Variants in ASPRV1 observed in about 807,000 individuals in gnomAD.
ASPRV1 encodes aspartic peptidase retroviral like 1, also known as retroviral-like aspartic protease 1.
In ASPRV1, 7 loss-of-function variants were observed where a neutral mutation model predicts 11.0. The observed-to-expected ratio is 0.64, with a 90% CI of 0.36 to 1.20. ASPRV1 has a LOEUF of 1.20. ASPRV1 is among the 50% of genes most tolerant of loss of function. The probability of loss-of-function intolerance (pLI) is 0.02; values close to 1 mark genes in which losing one functional copy is unlikely to be tolerated. For missense variants in ASPRV1, 299 were observed against 320.0 expected, an observed-to-expected ratio of 0.93 and a Z score of 0.50; for synonymous variants, 136 against 138.4, an observed-to-expected ratio of 0.98 and a Z score of 0.12.
chr2:70,078,457 G>A, the ASPRV1 span, among the ~76,000 whole-genome samples: 12 of 152,356 alleles, frequency 7.9e-5, no homozygotes, highest in Non-Finnish European at 1.6e-4. Context: ...GCAGAAGGCA[G>A]AGAGATAGCT....
the ASPRV1 span, among the ~76,000 whole-genome samples, chr2:69,950,428 C>G: frequency 6.6e-6 from 1 of 152,196 alleles, no homozygotes; most frequent in African/African-American, 2.4e-5. Flanking sequence ...TGTTTTGTGT[C>G]TGACTTCTTT....
the ASPRV1 span, among the ~76,000 whole-genome samples, chr2:70,080,310 TC>T: frequency 6.6e-6 from 1 of 151,808 alleles, no homozygotes; most frequent in Non-Finnish European, 1.5e-5. Flanking sequence ...CACTGCAACC[TC>T]CGCCTCCCAG....
the ASPRV1 span, among the ~76,000 whole-genome samples, chr2:70,017,838 T>C: frequency 2.6e-5 from 4 of 152,172 alleles, no homozygotes; most frequent in Non-Finnish European, 5.9e-5. Flanking sequence ...ACAATAGCTA[T>C]TTAAAAATAC....
At chr2:70,051,117 C>T in the ASPRV1 span, 10 of 152,176 alleles carry the variant, frequency 6.6e-5, no homozygotes, top group African/African-American at 2.4e-4. Context: ...GGATTTATTC[C>T]TCACAATAAC....
the ASPRV1 span, among the ~76,000 whole-genome samples, chr2:69,986,438 T>C: frequency 1.2e-4 from 18 of 152,218 alleles, no homozygotes; most frequent in Non-Finnish European, 2.4e-4. Flanking sequence ...GGCTGCCCTC[T>C]GGGGTAGGTC....
downstream of ASPRV1, among the ~76,000 whole-genome samples, chr2:69,956,751 G>A (rs1677950652): frequency 6.6e-6 from 1 of 152,100 alleles, no homozygotes; most frequent in Non-Finnish European, 1.5e-5. Flanking sequence ...TAAAAACCTG[G>A]CAAACAGCAT....
chr2:69,961,804 A>G, upstream of ASPRV1: 2 of 1,187,036 alleles, frequency 1.7e-6, no homozygotes, highest in South Asian at 3.1e-5. Flanking sequence ...AACACCAGCC[A>G]GCCCACATCC....
chr2:70,038,100 T>C, the ASPRV1 span, among the ~76,000 whole-genome samples: 2 of 152,206 alleles, frequency 1.3e-5, no homozygotes, highest in African/African-American at 2.4e-5. Flanking sequence ...ACCTAGAATA[T>C]CCTCCTATTT....
rs375031484 is a variant in ASPRV1, at chr2:69,961,371, A to G, written c.66T>C (p.Phe22=). 1.9e-6 allele frequency: 3 copies of G among 1,614,036 alleles called. No individual in the cohort carries two copies. The African/African-American group carries it at 4.0e-5, about 22-fold the overall frequency. Reference sequence around the variant, plus strand: ...GGTTTGGGACGACATTGGCCCCATCAAAAGGTTCCGGGACGAAGGCATGCT... The same window carrying G: ...GGTTTGGGACGACATTGGCCCCATCGAAAGGTTCCGGGACGAAGGCATGCT... The part of the protein sequence containing the change: ...RRQHAFVPEP[F]DGANVVPNLW... Residue 22 remains phenylalanine (F), a synonymous_variant, in exon 1 of 1, where the codon TTT becomes TTC. Transcript: ENST00000320256.
In ASPRV1 at chr2:69,961,082, C is replaced by T; in HGVS notation, c.355G>A (p.Gly119Ser). Residue 119 changes from glycine (G) to serine (S), a missense_variant, in exon 1 of 1, where the codon GGC (glycine) becomes AGC (serine). Transcript: ENST00000320256. Reference protein sequence around the residue: ...GKGYYLKGKIGKVPVRFLVDS... With the variant: ...GKGYYLKGKISKVPVRFLVDS... Reference sequence around the variant, plus strand: ...ACCAGGAACCTCACGGGCACTTTGCCAATCTTCCCCTTGAGATAGTAGCCC... The same window carrying T: ...ACCAGGAACCTCACGGGCACTTTGCTAATCTTCCCCTTGAGATAGTAGCCC... 1 of 1,613,902 alleles carries T rather than the reference C, an allele frequency of 6.2e-7. No individual in the cohort carries two copies. The highest frequency in any genetic ancestry group is 1.1e-5 in the South Asian group (1 of 91,074).
the ASPRV1 span, among the ~76,000 whole-genome samples, chr2:69,933,931 G>T: frequency 1.3e-5 from 2 of 152,254 alleles, no homozygotes; most frequent in African/African-American, 2.4e-5. Context: ...TAGGTTGTGT[G>T]TGGGCAATGA....
the ASPRV1 span, among the ~76,000 whole-genome samples, chr2:70,075,427 C>T: frequency 6.8e-6 from 1 of 147,994 alleles, no homozygotes; most frequent in Admixed American, 6.7e-5. Flanking sequence ...TACTTATTAA[C>T]TGTGCAACTT....
At chr2:70,039,764 G>A in the ASPRV1 span, among the ~76,000 whole-genome samples, 38 of 152,240 alleles carry the variant, frequency 2.5e-4, no homozygotes, top group South Asian at 6.6e-3. Context: ...TCCTCTCCAC[G>A]ACTTCCATTT....
chr2:70,001,675 G>A, the ASPRV1 span, among the ~76,000 whole-genome samples: 6 of 152,166 alleles, frequency 3.9e-5, no homozygotes, highest in South Asian at 2.1e-4. Flanking sequence ...CAGGAGAATC[G>A]CTTAAGCCCA....
At chr2:69,985,790 G>T in the ASPRV1 span, among the ~76,000 whole-genome samples, 3 of 152,192 alleles carry the variant, frequency 2.0e-5, no homozygotes, top group African/African-American at 7.2e-5. Context: ...GACTGCTGTA[G>T]ACGAGGTGGT....
the ASPRV1 span, among the ~76,000 whole-genome samples, chr2:69,932,751 T>C: frequency 1.3e-5 from 2 of 152,298 alleles, no homozygotes; most frequent in South Asian, 4.1e-4. Context: ...TATTATATTT[T>C]TATCAGTGGA....
the ASPRV1 span, among the ~76,000 whole-genome samples, chr2:70,034,154 T>TAAAA: frequency 1.6e-4 from 11 of 69,212 alleles, no homozygotes; most frequent in East Asian, 4.5e-4. Flanking sequence ...CTCCATCTCA[T>TAAAA]AAAAAAAAAA....
At chr2:69,991,034 G>A in the ASPRV1 span, among the ~76,000 whole-genome samples, 5 of 152,294 alleles carry the variant, frequency 3.3e-5, no homozygotes, top group East Asian at 9.7e-4. Flanking sequence ...TGGACATAAA[G>A]AACGGTCCCT....
the ASPRV1 span, chr2:70,051,132 T>C: frequency 6.6e-6 from 1 of 152,114 alleles, no homozygotes. Flanking sequence ...AATAACCCTA[T>C]AAAATAGGTG....
Sources: gnomAD v4.1 joint callset for allele counts (sites outside exome capture counted in the v4.1 genomes callset) on GRCh38, gnomAD v4.1.1 for gene constraint, MANE v1.5 for transcripts, NCBI Gene and HGNC (gene_info 2026-07-23, HGNC 2026-07-21) for gene names.